LPP: variants seen among roughly 807,000 people sequenced by gnomAD.
LPP encodes LIM domain containing preferred translocation partner in lipoma.
In LPP, 38 loss-of-function variants were observed where a neutral mutation model predicts 60.4. The ratio of observed to expected loss-of-function variants is 0.63; its 90% confidence interval spans 0.49 to 0.83. LPP has a LOEUF of 0.83. LPP is among the 40% of genes least tolerant of loss of function. LPP has a pLI of 0.00. For missense variants in LPP, 902 were observed against 783.6 expected (o/e 1.15, Z -1.80); for synonymous variants, 328 against 290.8 (o/e 1.13, Z -1.30).
At chr3:188,771,689 T>C (rs1736090932) in intron 9 of LPP, among the ~76,000 whole-genome samples, 1 of 152,034 alleles carries the variant, frequency 6.6e-6, no homozygotes, top group Non-Finnish European at 1.5e-5. Flanking sequence ...TGAACAAAAA[T>C]CAGTGTGGGG....
chr3:188,384,618 C>T (rs941234732), intron 3 of LPP, among the ~76,000 whole-genome samples: 7 of 151,706 alleles, frequency 4.6e-5, no homozygotes, highest in African/African-American at 1.5e-4. Flanking sequence ...GGTGAAACCC[C>T]GCCTCTACTA....
At chr3:188,211,028 T>C (rs1734559761) in intron 1 of LPP, among the ~76,000 whole-genome samples, 1 of 152,150 alleles carries the variant, frequency 6.6e-6, no homozygotes, top group South Asian at 2.1e-4. Flanking sequence ...AAATGTACAA[T>C]AAATAATAAA....
chr3:188,757,898 T>TTTTTG lies in LPP; in HGVS notation c.1241-2211_1241-2210insGTTTT, dbSNP rs1560164492. Among the ~76,000 whole-genome samples, 268 of 146,630 alleles carry TTTTTG rather than the reference T, an allele frequency of 1.8e-3. 2 individuals carry two copies. Among genetic ancestry groups the TTTTTG allele is most frequent in the African/African-American group, 5.8e-3 (229 of 39,420 alleles). On this transcript the variant is annotated intron_variant, in intron 8 of 11. Coordinates refer to ENST00000617246, the MANE Select transcript of LPP (RefSeq NM_001375462.1). ...TGGTTTTGTTTTTTTGGTTTTTTTT[T>TTTTTG]TTTTTTTTTTTCAGAATAATTTCAA...
chr3:188,839,521 G>A (rs1759365827), intron 9 of LPP, among the ~76,000 whole-genome samples: 1 of 152,170 alleles, frequency 6.6e-6, no homozygotes, highest in Non-Finnish European at 1.5e-5. Flanking sequence ...AAACAGCAAG[G>A]TGATAAGGCG....
intron 1 of LPP, among the ~76,000 whole-genome samples, chr3:188,166,884 C>T (rs1000375078): frequency 1.4e-4 from 22 of 152,024 alleles, no homozygotes; most frequent in African/African-American, 3.1e-4. Flanking sequence ...TTAAGAATAG[C>T]TTAAGAAATT....
chr3:188,586,954 C>A (rs2151049454), intron 6 of LPP, among the ~76,000 whole-genome samples: 1 of 152,166 alleles, frequency 6.6e-6, no homozygotes, highest in South Asian at 2.1e-4. Flanking sequence ...TGGTCTTGAA[C>A]ACCTGACCTC....
intron 1 of LPP, among the ~76,000 whole-genome samples, chr3:188,204,737 C>T (rs1029931948): frequency 6.6e-6 from 1 of 152,028 alleles, no homozygotes; most frequent in African/African-American, 2.4e-5. Flanking sequence ...GTGAGGATGC[C>T]AAGTTTCACA....
At chr3:188,823,790 T>G (rs1754640242) in intron 9 of LPP, among the ~76,000 whole-genome samples, 1 of 148,344 alleles carries the variant, frequency 6.7e-6, no homozygotes, top group Non-Finnish European at 1.5e-5. Flanking sequence ...AAATTAATAA[T>G]AAATTTTAAA....
At chr3:188,679,978 C>G (rs1288881850) in intron 7 of LPP, among the ~76,000 whole-genome samples, 1 of 152,116 alleles carries the variant, frequency 6.6e-6, no homozygotes, top group Non-Finnish European at 1.5e-5. Context: ...TTTTAATCTC[C>G]TCTGGTATGA....
intron 6 of LPP, among the ~76,000 whole-genome samples, chr3:188,563,382 A>G (rs1165193936): frequency 6.6e-6 from 1 of 151,556 alleles, no homozygotes; most frequent in Non-Finnish European, 1.5e-5. Flanking sequence ...CTTTTTCCAA[A>G]GAGTAATCAC....
chr3:188,444,873 A>C (rs9290872), intron 4 of LPP, among the ~76,000 whole-genome samples: 144,942 of 152,276 alleles, frequency 0.95, 69,183 homozygotes, highest in East Asian at 0.99. Flanking sequence ...GGCCAACCAA[A>C]ATATGGAAAA....
chr3:188,812,584 A>G (rs1751312711), intron 9 of LPP, among the ~76,000 whole-genome samples: 2 of 152,174 alleles, frequency 1.3e-5, no homozygotes, highest in Non-Finnish European at 2.9e-5. Context: ...TGTTTTAAAG[A>G]TTATATTTTT....
intron 4 of LPP, among the ~76,000 whole-genome samples, chr3:188,428,357 T>C (rs891254920): frequency 6.6e-6 from 1 of 152,182 alleles, no homozygotes; most frequent in Non-Finnish European, 1.5e-5. Flanking sequence ...CTGTTCCTAT[T>C]TGGCCATCTT....
chr3:188,458,353 A>C (rs1446536948), intron 4 of LPP, among the ~76,000 whole-genome samples: 1 of 152,232 alleles, frequency 6.6e-6, no homozygotes, highest in African/African-American at 2.4e-5. Flanking sequence ...GCATTTTTAT[A>C]AAACTACATG....
chr3:188,797,115 C>CCTT (rs1553851056), intron 9 of LPP, among the ~76,000 whole-genome samples: 1 of 149,650 alleles, frequency 6.7e-6, no homozygotes, highest in Non-Finnish European at 1.5e-5. Flanking sequence ...AGCTCTTTTC[C>CCTT]CCTCCTCCTC....
intron 9 of LPP, among the ~76,000 whole-genome samples, chr3:188,816,026 T>C (rs1368519531): frequency 6.6e-6 from 1 of 152,288 alleles, no homozygotes; most frequent in East Asian, 1.9e-4. Flanking sequence ...AAATTTTTCC[T>C]TTACATTGAG....
At chr3:188,810,634 A>G (rs1750649390) in intron 9 of LPP, among the ~76,000 whole-genome samples, 1 of 152,180 alleles carries the variant, frequency 6.6e-6, no homozygotes, top group Admixed American at 6.6e-5. Flanking sequence ...AACAGTATGT[A>G]TAGGGGTTAG....
chr3:188,251,723 G>T (rs908697414), intron 2 of LPP, among the ~76,000 whole-genome samples: 6 of 151,804 alleles, frequency 4.0e-5, no homozygotes, highest in African/African-American at 1.5e-4. Context: ...ATTGTCAAAC[G>T]CTCTTCAGGG....
intron 1 of LPP, among the ~76,000 whole-genome samples, chr3:188,213,394 C>T (rs1184959972): frequency 2.0e-5 from 3 of 152,182 alleles, no homozygotes; most frequent in Non-Finnish European, 2.9e-5. Context: ...GACCCAGGCC[C>T]TGAAGACAGA....
Sources: gnomAD v4.1 joint callset for allele counts (sites outside exome capture counted in the v4.1 genomes callset) on GRCh38, gnomAD v4.1.1 for gene constraint, MANE v1.5 for transcripts, NCBI Gene and HGNC (gene_info 2026-07-23, HGNC 2026-07-21) for gene names.